Variants in TTC38 observed in about 807,000 individuals in gnomAD.
TTC38 encodes the protein tetratricopeptide repeat domain 38.
In TTC38, 64 loss-of-function variants were observed where a neutral mutation model predicts 64.2. The observed-to-expected ratio is 1.00, with a 90% CI of 0.81 to 1.23. TTC38 has a LOEUF of 1.23. Ranked by LOEUF, TTC38 falls within the 50% of genes most tolerant of loss-of-function variation. The pLI is 0.00. For missense variants in TTC38, 573 were observed against 615.5 expected (o/e 0.93, Z 0.73); for synonymous variants, 254 against 249.3 (o/e 1.02, Z -0.18).
In TTC38 at chr22:46,291,861, C is replaced by T. The variant is rs147696491; in HGVS notation, c.1317-930C>T. The stretch of plus-strand genomic sequence containing the variant: ...ATCCCGGCTAGTCGGGAGCCTGAGG[C>T]AGGAGAATCGCTTGAACCTGGGAGG... On this transcript the variant is annotated intron_variant, in intron 13 of 13. Coordinates refer to ENST00000381031, the MANE Select transcript of TTC38 (RefSeq NM_017931.4). This position sits in a 1 kb window ranked among gnomAD's most constrained non-coding sequence, Gnocchi z 4.6. Among the ~76,000 whole-genome samples, 1 of 152,088 alleles carries T rather than the reference C, an allele frequency of 6.6e-6. No individual in the cohort carries two copies. Among genetic ancestry groups the T allele is most frequent in the African/African-American group, 2.4e-5 (1 of 41,370 alleles).
rs2077553649 is a variant in TTC38 at position 46,283,979 on chromosome 22, G to C, written c.742G>C (p.Asp248His). 1 of 1,500,586 alleles carries C rather than the reference G, an allele frequency of 6.7e-7. No individual in the cohort carries two copies. Among genetic ancestry groups the C allele is most frequent in the Non-Finnish European group, 9.0e-7 (1 of 1,107,750 alleles). The allele number at this position is 1,500,586 out of a possible 1,614,324, so 93.0% of individuals were successfully genotyped here. A position where few individuals can be genotyped will look rare whatever the true frequency, so the allele number is the denominator to read the frequency against. The change falls in exon 8 of 14, where the codon GAT (aspartate) becomes CAT (histidine). Residue 248 changes from aspartate (D) to histidine (H), a missense_variant. By Grantham distance (81) the Asp-to-His change is moderately conservative. Transcript: ENST00000381031. ...QHSETFWKDS[D>H]MLACHNYWHW... ...TTTTTTTTTTTTTCTCCAGGACTCT[G>C]ATATGTTGGCTTGTCATAACTATTG...
chr22:46,285,397 A>G (rs1405478405), intron 9 of TTC38, 118 bp downstream of exon 9: 6 of 1,029,594 alleles, frequency 5.8e-6, no homozygotes, highest in Non-Finnish European at 9.2e-6. Context: ...TGGAGCAAGA[A>G]CACATTTCTT....
intron 2 of TTC38, chr22:46,269,151 T>TGGTG (rs1179654684): frequency 4.6e-6 from 2 of 434,148 alleles, no homozygotes; most frequent in South Asian, 1.7e-5. Flanking sequence ...GGACTCTGAG[T>TGGTG]GGTGGGTGGA....
Position 46,273,180 on chromosome 22 carries a change from C to G in TTC38, c.194-718C>G, listed in dbSNP as rs1936933193. ...GGAGCCAGGGGTGGGCTCGGACTCTCTGAGCAGACCTTGAGCCCTGATCAG... is the reference window on the plus strand; with the variant it reads ...GGAGCCAGGGGTGGGCTCGGACTCTGTGAGCAGACCTTGAGCCCTGATCAG... On this transcript the variant is annotated intron_variant, in intron 3 of 13. Coordinates refer to ENST00000381031, the MANE Select transcript of TTC38 (RefSeq NM_017931.4). The surrounding 1 kb of genome is among the most constrained non-coding windows in gnomAD (Gnocchi z 5.1). Among the ~76,000 whole-genome samples, 1 of 152,220 alleles carries G rather than the reference C, an allele frequency of 6.6e-6. No individual in the cohort carries two copies. The highest frequency in any genetic ancestry group is 1.5e-5 in the Non-Finnish European group (1 of 68,034).
In TTC38 at chr22:46,274,364, C is replaced by T. The variant is rs746564241; in HGVS notation, c.365+295C>T. 1.3e-5 allele frequency among the ~76,000 whole-genome samples: 2 copies of T among 152,304 alleles called. No homozygotes were observed. Among genetic ancestry groups the T allele is most frequent in the African/African-American group, 4.8e-5 (2 of 41,570 alleles). On this transcript the variant is annotated intron_variant, in intron 4 of 13. Transcript: ENST00000381031. The surrounding 1 kb of genome is among the most constrained non-coding windows in gnomAD (Gnocchi z 4.8). ...TTACAAAAATAATAGGGTCACACTACAGAAATTACTAGGTTAGGGAAGAGA... is the reference window on the plus strand; with the variant it reads ...TTACAAAAATAATAGGGTCACACTATAGAAATTACTAGGTTAGGGAAGAGA...
chr22:46,285,909 G>A (rs2077568245), intron 9 of TTC38, among the ~76,000 whole-genome samples: 1 of 150,708 alleles, frequency 6.6e-6, no homozygotes, highest in South Asian at 2.1e-4. Context: ...CAGCTACTCG[G>A]GGGGCTGAGG....
In TTC38 at chr22:46,270,059, TG is replaced by T. The variant is rs1936860898; in HGVS notation, c.111+1471del. Reference sequence around the variant, plus strand: ...CCCCTGCCTTGGCCTCTCAAAGTGCTGGGATTACAGGCGTGAGCCACTGTGC... The same window carrying T: ...CCCCTGCCTTGGCCTCTCAAAGTGCTGGATTACAGGCGTGAGCCACTGTGC... On this transcript the variant is annotated intron_variant, in intron 2 of 13. Transcript: ENST00000381031. The surrounding 1 kb of genome is among the most constrained non-coding windows in gnomAD (Gnocchi z 4.7). Among the ~76,000 whole-genome samples, 1 of 152,222 alleles carries T rather than the reference TG, an allele frequency of 6.6e-6. No homozygotes were observed. Among genetic ancestry groups the T allele is most frequent in the African/African-American group, 2.4e-5 (1 of 41,448 alleles).
rs559475774 is a variant in TTC38 at position 46,282,154 on chromosome 22, G to T, written c.735+436G>T. 116 of 367,178 alleles carry T rather than the reference G, an allele frequency of 3.2e-4. 1 individual carries two copies. The highest frequency in any genetic ancestry group is 2.2e-3 in the African/African-American group (106 of 47,138). The allele number at this position is 367,178 out of a possible 1,614,324, so 22.7% of individuals were successfully genotyped here. ...GTTGGCTACTGAAGGATGAGCAGGTGTGTGCCACACAGAGGGGGAAGATGG... is the reference window on the plus strand; with the variant it reads ...GTTGGCTACTGAAGGATGAGCAGGTTTGTGCCACACAGAGGGGGAAGATGG... On this transcript the variant is annotated intron_variant, in intron 7 of 13. Coordinates refer to ENST00000381031, the MANE Select transcript of TTC38 (RefSeq NM_017931.4). The surrounding 1 kb of genome is among the most constrained non-coding windows in gnomAD (Gnocchi z 4.4).
At position 46,293,079 on chromosome 22, in the gene TTC38, A is replaced by G. The variant is rs2077628157; in HGVS notation, c.*195A>G. ...ATTCCGAATCTCCTTTCAGTCCTCG[A>G]GAAGGGCCAATGAGCATTTTTCAGC... is the stretch of plus-strand genomic sequence containing the variant. On this transcript the variant is annotated 3_prime_UTR_variant, in exon 14 of 14. Transcript: ENST00000381031. This position sits in a 1 kb window ranked among gnomAD's most constrained non-coding sequence, Gnocchi z 6.6. 1 of 570,548 alleles carries G rather than the reference A, an allele frequency of 1.8e-6. No homozygotes were observed. The highest frequency in any genetic ancestry group is 2.9e-5 in the Admixed American group (1 of 34,824). 35.3% of individuals were successfully genotyped at this position (570,548 alleles called of 1,614,324 possible).
rs915460981 is a variant in TTC38 at position 46,275,501 on chromosome 22, C to T, written c.539+80C>T. On this transcript the variant is annotated intron_variant, in intron 5 of 13. Transcript: ENST00000381031. The surrounding 1 kb of genome is among the most constrained non-coding windows in gnomAD (Gnocchi z 4.5). The stretch of plus-strand genomic sequence containing the variant: ...CCTAAAAATATGGTGACTCTCTTGG[C>T]CCTGTCCTAAAAATAATGGGACCAC... The T allele has an allele frequency of 2.0e-5, 28 of 1,408,504 alleles. No individual in the cohort carries two copies. The Admixed American group carries it at 6.1e-4, about 31-fold the overall frequency. The allele number at this position is 1,408,504 out of a possible 1,614,324, so 87.3% of individuals were successfully genotyped here. A position where few individuals can be genotyped will look rare whatever the true frequency, so the allele number is the denominator to read the frequency against.
In TTC38 at chr22:46,289,568, C is replaced by T. The variant is rs759410269; in HGVS notation, c.1242+7C>T. 2.3e-5 allele frequency: 36 copies of T among 1,568,296 alleles called. No homozygotes were observed. Among genetic ancestry groups the T allele is most frequent in the South Asian group, 3.5e-5 (3 of 84,988 alleles). On this transcript the variant is annotated splice_region_variant and intron_variant, in intron 12 of 13. Coordinates refer to ENST00000381031, the MANE Select transcript of TTC38 (RefSeq NM_017931.4). The stretch of plus-strand genomic sequence containing the variant: ...CGGTGGGAGCAATGCCCAGGTGAGC[C>T]GATGGCCGCCAGCTGGGGTGCCTAG...
chr22:46,269,208 C>T (rs545213441), intron 2 of TTC38: 2 of 346,842 alleles, frequency 5.8e-6, no homozygotes, highest in Admixed American at 4.1e-5. Flanking sequence ...CTGGCCTCCC[C>T]GGGCCTCCCA....
In TTC38 at chr22:46,274,578, C is replaced by T. The variant is rs1321751336; in HGVS notation, c.365+509C>T. ...CCCTGCAGAGTTAGGCGACCCTAGC[C>T]GATTGTGCAGGGACTCAGGGATTCC... On this transcript the variant is annotated intron_variant, in intron 4 of 13. Coordinates refer to ENST00000381031, the MANE Select transcript of TTC38 (RefSeq NM_017931.4). This position sits in a 1 kb window ranked among gnomAD's most constrained non-coding sequence, Gnocchi z 4.8. 2.0e-5 allele frequency among the ~76,000 whole-genome samples: 3 copies of T among 152,172 alleles called. No homozygotes were observed. Among genetic ancestry groups the T allele is most frequent in the Non-Finnish European group, 2.9e-5 (2 of 68,024 alleles).
At position 46,286,250 on chromosome 22, in the gene TTC38, A is replaced by T. The variant is rs187114048; in HGVS notation, c.835-823A>T. ...CAAGGACCCCAGGGATGGCTTCATC[A>T]GAAAAGCCTGGGACCACAGAAATGC... is the stretch of plus-strand genomic sequence containing the variant. On this transcript the variant is annotated intron_variant, in intron 9 of 13. Coordinates refer to ENST00000381031, the MANE Select transcript of TTC38 (RefSeq NM_017931.4). Among the ~76,000 whole-genome samples the T allele has an allele frequency of 2.1e-4, 32 of 152,264 alleles. No homozygotes were observed. In the East Asian group the frequency reaches 6.2e-3, roughly 29 times the overall value.
rs1020904469 is a variant in TTC38 at position 46,282,141 on chromosome 22, A to C, written c.735+423A>C. On this transcript the variant is annotated intron_variant, in intron 7 of 13. Coordinates refer to ENST00000381031, the MANE Select transcript of TTC38 (RefSeq NM_017931.4). The surrounding 1 kb of genome is among the most constrained non-coding windows in gnomAD (Gnocchi z 4.4). Reference sequence around the variant, plus strand: ...GGGCAACCTCTGAGTTGGCTACTGAAGGATGAGCAGGTGTGTGCCACACAG... The same window carrying C: ...GGGCAACCTCTGAGTTGGCTACTGACGGATGAGCAGGTGTGTGCCACACAG... 1.3e-5 allele frequency: 5 copies of C among 376,580 alleles called. No homozygotes were observed. The highest frequency in any genetic ancestry group is 2.7e-5 in the Non-Finnish European group (5 of 182,468). The allele number at this position is 376,580 out of a possible 1,614,324, so 23.3% of individuals were successfully genotyped here. A position where few individuals can be genotyped will look rare whatever the true frequency, so the allele number is the denominator to read the frequency against.
At position 46,275,504 on chromosome 22, in the gene TTC38, T is replaced by C. The variant is rs749105948; in HGVS notation, c.539+83T>C. ...AAAAATATGGTGACTCTCTTGGCCCTGTCCTAAAAATAATGGGACCACTGT... is the reference window on the plus strand; with the variant it reads ...AAAAATATGGTGACTCTCTTGGCCCCGTCCTAAAAATAATGGGACCACTGT... On this transcript the variant is annotated intron_variant, in intron 5 of 13. Transcript: ENST00000381031. The surrounding 1 kb of genome is among the most constrained non-coding windows in gnomAD (Gnocchi z 4.5). 4.8e-5 allele frequency: 67 copies of C among 1,393,444 alleles called. No homozygotes were observed. Among genetic ancestry groups the C allele is most frequent in the Admixed American group, 6.6e-5 (3 of 45,162 alleles). The allele number at this position is 1,393,444 out of a possible 1,614,324, so 86.3% of individuals were successfully genotyped here.
intron 1 of TTC38, 89 bp downstream of exon 1, chr22:46,268,161 C>G: frequency 1.4e-6 from 2 of 1,428,888 alleles, no homozygotes; most frequent in Non-Finnish European, 1.9e-6. Flanking sequence ...GAGACATGGC[C>G]CGGGCGCGGG....
At position 46,292,852 on chromosome 22, in the gene TTC38, C is replaced by T. The variant is rs200604599; in HGVS notation, c.1378C>T (p.Arg460Cys). The change falls in exon 14 of 14, where the codon CGC becomes TGC. Residue 460 changes from arginine (R) to cysteine (C), a missense_variant. Coordinates refer to ENST00000381031, the MANE Select transcript of TTC38 (RefSeq NM_017931.4). The surrounding 1 kb of genome is among the most constrained non-coding windows in gnomAD (Gnocchi z 6.5). ...CTCGCCCCTGACCGAGCGGCTCATC[C>T]GCAAGGCAGCTACCGTCCACCTCAT... ...PNSPLTERLI[R>C]KAATVHLMQ The T allele has an allele frequency of 2.1e-4, 340 of 1,613,932 alleles. No homozygotes were observed. The highest frequency in any genetic ancestry group is 3.1e-4 in the East Asian group (14 of 44,878).
In TTC38 at chr22:46,281,473, GC is replaced by G. The variant is rs981965116; in HGVS notation, c.616-119del. On this transcript the variant is annotated intron_variant, in intron 6 of 13. Transcript: ENST00000381031. The surrounding 1 kb of genome is among the most constrained non-coding windows in gnomAD (Gnocchi z 5.2). ...TGTCAGTGTTTTGAGTCAGAGCCCCGCCCCCCCACTTGCTCCACCCCGTTCA... is the reference window on the plus strand; with the variant it reads ...TGTCAGTGTTTTGAGTCAGAGCCCCGCCCCCCACTTGCTCCACCCCGTTCA... 2.5e-5 allele frequency: 18 copies of G among 727,866 alleles called. No individual in the cohort carries two copies. The highest frequency in any genetic ancestry group is 2.9e-5 in the East Asian group (1 of 34,956). The allele number at this position is 727,866 out of a possible 1,614,324, so 45.1% of individuals were successfully genotyped here.
Sources: allele counts gnomAD v4.1 joint callset (sites outside exome capture counted in the v4.1 genomes callset), GRCh38; gene constraint gnomAD v4.1.1; non-coding constraint Gnocchi (gnomAD v3.1); transcripts MANE v1.5; gene names NCBI Gene and HGNC (gene_info 2026-07-23, HGNC 2026-07-21).